The following PIGO variants were observed in gnomAD, a reference collection of about 807,000 sequenced individuals.
PIGO encodes the protein GPI ethanolamine phosphate transferase 3, catalytic subunit.
Under a neutral mutation model 86.9 loss-of-function variants are expected in PIGO, and 66 were observed. The observed-to-expected ratio is 0.76, with a 90% CI of 0.62 to 0.93. PIGO has a LOEUF of 0.93. Among genes scored for constraint, PIGO ranks in the 40% least tolerant of loss-of-function variants. The pLI, the probability that PIGO is intolerant of heterozygous loss-of-function variation, is 0.00. For synonymous variants in PIGO, 570 were observed against 556.4 expected (o/e 1.02, Z -0.34); for missense variants, 1,202 against 1,359.1 (o/e 0.88, Z 1.82).
Position 35,092,270 on chromosome 9 carries a change from C to T in PIGO, c.1617G>A (p.Leu539=). 4.3e-6 allele frequency: 7 copies of T among 1,614,196 alleles called. No individual in the cohort carries two copies. Among genetic ancestry groups the T allele is most frequent in the Non-Finnish European group, 5.9e-6 (7 of 1,180,028 alleles). Residue 539 remains leucine, a synonymous_variant, in exon 7 of 11, where the codon CTG becomes CTA. Coordinates refer to ENST00000378617, the MANE Select transcript of PIGO (RefSeq NM_032634.4). The part of the protein sequence containing the change: ...AWAGWGSKRP[L]ATLFPIPGPV... ...GCCCAGGGATGGGAAACAGGGTTGCCAGGGGCCTCTTGGACCCCCAGCCAG... is the reference window on the plus strand; with the variant it reads ...GCCCAGGGATGGGAAACAGGGTTGCTAGGGGCCTCTTGGACCCCCAGCCAG...
rs779260324 is a variant in PIGO, at chr9:35,092,554, G to A, written c.1333C>T (p.Arg445Cys). 18 of 1,614,072 alleles carry A rather than the reference G, an allele frequency of 1.1e-5. No individual in the cohort carries two copies. Among genetic ancestry groups the A allele is most frequent in the South Asian group, 3.3e-5 (3 of 91,086 alleles). Residue 445 changes from arginine to cysteine, a missense_variant, in exon 7 of 11, where the codon CGT becomes TGT. Transcript: ENST00000378617. ...CCCGCCATGCGGACCAGAGAGAAAC[G>A]AGCCCAAGACTCGATGCACATGGCC... ...ARAMCIESWA[R>C]FSLVRMAGGT...
In PIGO at chr9:35,092,515, A is replaced by G. The variant is rs1443340576; in HGVS notation, c.1372T>C (p.Leu458=). The G allele has an allele frequency of 1.2e-6, 2 of 1,614,192 alleles. No homozygotes were observed. Among genetic ancestry groups the G allele is most frequent in the African/African-American group, 1.3e-5 (1 of 75,078 alleles). Residue 458 remains leucine (L), a synonymous_variant, in exon 7 of 11, where the codon TTG becomes CTG. Transcript: ENST00000378617. Reference sequence around the variant, plus strand: ...AGGCAGATAAAGCAGGAAGCAGCCAAGAGAGCAGTACCCCCCGCCATGCGG... The same window carrying G: ...AGGCAGATAAAGCAGGAAGCAGCCAGGAGAGCAGTACCCCCCGCCATGCGG... ...LVRMAGGTAL[L]AASCFICLLA... is the part of the protein sequence containing the mutation.
At chr9:35,093,254 A>T in intron 5 of PIGO, 45 bp from the exon 6 acceptor site, 1 of 1,589,860 alleles carries the variant, frequency 6.3e-7, no homozygotes, top group Non-Finnish European at 8.6e-7. Context: ...ACAAAGCTGA[A>T]GTCAATGTTT....
intron 8 of PIGO, 75 bp downstream of exon 8, chr9:35,090,391 T>C: frequency 1.3e-6 from 2 of 1,551,184 alleles, no homozygotes; most frequent in Admixed American, 3.8e-5. Context: ...TATCTCTCCA[T>C]TCAAATCCAG....
intron 9 of PIGO, 39 bp downstream of exon 9, chr9:35,090,027 G>C: frequency 6.3e-7 from 1 of 1,588,830 alleles, no homozygotes; most frequent in Non-Finnish European, 8.6e-7. Context: ...CACACACAGA[G>C]AAAAAACACC....
At position 35,093,889 on chromosome 9, in the gene PIGO, C is replaced by A. The variant is rs759624385; in HGVS notation, c.779+12G>T. 6.2e-7 allele frequency: 1 copy of A among 1,613,674 alleles called. No individual in the cohort carries two copies. The highest frequency in any genetic ancestry group is 1.1e-5 in the South Asian group (1 of 91,018). ...CACAAACCCACTCCCCCAGCCAATA[C>A]CCCACACTCACTGGATCACCTGGTC... is the stretch of plus-strand genomic sequence containing the variant. On this transcript the variant is annotated intron_variant, in intron 4 of 10. Transcript: ENST00000378617.
intron 5 of PIGO, 60 bp downstream of exon 5, chr9:35,093,360 GC>G (rs770861017): frequency 1.4e-5 from 23 of 1,607,382 alleles, no homozygotes; most frequent in Admixed American, 5.0e-5. Flanking sequence ...TCATGAGGAT[GC>G]TGTAATGGTA....
Position 35,094,243 on chromosome 9 carries a change from C to T in PIGO, c.628G>A (p.Gly210Ser), listed in dbSNP as rs1227945970. 6.2e-7 allele frequency: 1 copy of T among 1,600,604 alleles called. No homozygotes were observed. Reference sequence around the variant, plus strand: ...GTGGGGTAGAGGTGTTCCAGGATGCCATTGTCCACTGTGTCTAGGTCTCTG... The same window carrying T: ...GTGGGGTAGAGGTGTTCCAGGATGCTATTGTCCACTGTGTCTAGGTCTCTG... The part of the protein sequence containing the change: ...NVRDLDTVDN[G>S]ILEHLYPTMD... Residue 210 changes from glycine to serine, a missense_variant, in exon 3 of 11, where the codon GGC (glycine) becomes AGC (serine). By Grantham distance (56) the Gly-to-Ser change is moderately conservative. Transcript: ENST00000378617.
In PIGO at chr9:35,093,154, C is replaced by T; in HGVS notation, c.995G>A (p.Gly332Asp). 6.2e-7 allele frequency: 1 copy of T among 1,614,184 alleles called. No homozygotes were observed. Among genetic ancestry groups the T allele is most frequent in the Non-Finnish European group, 8.5e-7 (1 of 1,180,000 alleles). Reference protein sequence around the residue: ...SLVPTLALLLGLPIPFGNIGE... With the variant: ...SLVPTLALLLDLPIPFGNIGE... ...GATATTCCCAAATGGGATGGGCAGG[C>T]CCAGCAGCAGGGCCAGCGTGGGCAC... Residue 332 changes from glycine to aspartate, a missense_variant, in exon 6 of 11, where the codon GGC becomes GAC. Coordinates refer to ENST00000378617, the MANE Select transcript of PIGO (RefSeq NM_032634.4).
intron 4 of PIGO, 102 bp downstream of exon 4, chr9:35,093,799 C>T: frequency 6.5e-7 from 1 of 1,544,120 alleles, no homozygotes; most frequent in Non-Finnish European, 8.7e-7. Context: ...AGCAGAAGGC[C>T]TAGAGAAGAC....
At chr9:35,089,973 C>T in intron 9 of PIGO, 93 bp downstream of exon 9, 1 of 1,509,532 alleles carries the variant, frequency 6.6e-7, no homozygotes, top group East Asian at 2.3e-5. Flanking sequence ...GAAACTCAGT[C>T]AAGGCTCTCT....
At chr9:35,090,045 T>C in intron 9 of PIGO, 21 bp downstream of exon 9, 2 of 1,599,948 alleles carry the variant, frequency 1.3e-6, no homozygotes, top group Non-Finnish European at 1.7e-6. Flanking sequence ...ACCAACTCCC[T>C]GATCTCTCTC....
At position 35,092,245 on chromosome 9, in the gene PIGO, G is replaced by A; in HGVS notation, c.1642C>T (p.Pro548Ser). The change falls in exon 7 of 11, where the codon CCC (proline) becomes TCC (serine). Residue 548 changes from proline (P) to serine (S), a missense_variant. By Grantham distance (74) the Pro-to-Ser change is moderately conservative. Coordinates refer to ENST00000378617, the MANE Select transcript of PIGO (RefSeq NM_032634.4). ...PLATLFPIPGPVLLLLLFRLA... is the reference protein window; with the variant it reads ...PLATLFPIPGSVLLLLLFRLA... The stretch of plus-strand genomic sequence containing the variant: ...CGAAACAGCAGGAGTAACAGGACGG[G>A]CCCAGGGATGGGAAACAGGGTTGCC... 1.2e-6 allele frequency: 2 copies of A among 1,614,212 alleles called. No individual in the cohort carries two copies. Among genetic ancestry groups the A allele is most frequent in the Non-Finnish European group, 1.7e-6 (2 of 1,180,046 alleles).
rs1312900211 is a variant in PIGO, at chr9:35,095,705, C to T, written c.-1-139G>A. ...ATAAACCATTTCACAGCCAACCCCT[C>T]GCAATATTACTCTCCTCCTATTTCC... On this transcript the variant is annotated intron_variant, in intron 1 of 10. Coordinates refer to ENST00000378617, the MANE Select transcript of PIGO (RefSeq NM_032634.4). The T allele has an allele frequency of 5.5e-6, 6 of 1,094,172 alleles. No individual in the cohort carries two copies. In the African/African-American group the frequency reaches 6.4e-5, roughly 12 times the overall value. The allele number at this position is 1,094,172 out of a possible 1,614,324, so 67.8% of individuals were successfully genotyped here.
Position 35,093,805 on chromosome 9 carries a change from A to G in PIGO, c.779+96T>C, listed in dbSNP as rs568186287. ...TCTAGCTTCAGCAGAAGGCCTAGAG[A>G]AGACAGAATTCAGCCAGGAAAGAAG... On this transcript the variant is annotated intron_variant, in intron 4 of 10. Transcript: ENST00000378617. 3.2e-6 allele frequency: 5 copies of G among 1,550,394 alleles called. No homozygotes were observed. The South Asian group carries it at 6.2e-5, about 19-fold the overall frequency.
In PIGO at chr9:35,094,290, A is replaced by C. The variant is rs61755365; in HGVS notation, c.581T>G (p.Phe194Cys). The C allele has an allele frequency of 2.5e-5, 41 of 1,608,154 alleles. No homozygotes were observed. Among genetic ancestry groups the C allele is most frequent in the African/African-American group, 1.2e-4 (9 of 74,336 alleles). Reference sequence around the variant, plus strand: ...TCTGACATTGAAGGATGGGAAGAAGAAAGCTTTGGAGAAAGCACCAGGGAA... The same window carrying C: ...TCTGACATTGAAGGATGGGAAGAAGCAAGCTTTGGAGAAAGCACCAGGGAA... The part of the protein sequence containing the change: ...DLFPGAFSKA[F>C]FFPSFNVRDL... Residue 194 changes from phenylalanine (F) to cysteine (C), a missense_variant, in exon 3 of 11, where the codon TTC becomes TGC. Physicochemically the swap from Phe to Cys is radical, Grantham distance 205. Transcript: ENST00000378617.
Position 35,092,518 on chromosome 9 carries a change from G to C in PIGO, c.1369C>G (p.Leu457Val), listed in dbSNP as rs769460289. Residue 457 changes from leucine (L) to valine (V), a missense_variant, in exon 7 of 11, where the codon CTC (leucine) becomes GTC (valine). By Grantham distance (32) the Leu-to-Val change is conservative. Transcript: ENST00000378617. ...CAGATAAAGCAGGAAGCAGCCAAGA[G>C]AGCAGTACCCCCCGCCATGCGGACC... ...SLVRMAGGTA[L>V]LAASCFICLL... The C allele has an allele frequency of 1.7e-5, 27 of 1,614,060 alleles. No homozygotes were observed. In the Admixed American group the frequency reaches 2.8e-4, roughly 17 times the overall value.
chr9:35,090,596 G>A lies in PIGO; in HGVS notation c.2724C>T (p.His908=). ...MATQTFYSTG[H]QPVFPAIHWH... ...AATGGATGGCTGGAAAGACAGGCTG[G>A]TGGCCTGTGGAGTAGAAGGTCTGTG... is the stretch of plus-strand genomic sequence containing the variant. Residue 908 remains histidine, a synonymous_variant, in exon 8 of 11, where the codon CAC becomes CAT. Coordinates refer to ENST00000378617, the MANE Select transcript of PIGO (RefSeq NM_032634.4). The A allele has an allele frequency of 1.2e-6, 2 of 1,614,190 alleles. No homozygotes were observed. Among genetic ancestry groups the A allele is most frequent in the Non-Finnish European group, 1.7e-6 (2 of 1,180,038 alleles).
At position 35,093,716 on chromosome 9, in the gene PIGO, A is replaced by G. The variant is rs560814315; in HGVS notation, c.780-136T>C. The G allele has an allele frequency of 2.1e-6, 3 of 1,414,250 alleles. No homozygotes were observed. The South Asian group carries it at 4.3e-5, about 20-fold the overall frequency. The allele number at this position is 1,414,250 out of a possible 1,614,324, so 87.6% of individuals were successfully genotyped here. On this transcript the variant is annotated intron_variant, in intron 4 of 10. Coordinates refer to ENST00000378617, the MANE Select transcript of PIGO (RefSeq NM_032634.4). ...AGGCCTAGACCTTTGGCAAAGAGACATGTCTTCGGCCATGATCCTGATGCC... is the reference window on the plus strand; with the variant it reads ...AGGCCTAGACCTTTGGCAAAGAGACGTGTCTTCGGCCATGATCCTGATGCC...
Sources: gnomAD v4.1 joint callset for allele counts on GRCh38, gnomAD v4.1.1 for gene constraint, MANE v1.5 for transcripts, NCBI Gene and HGNC (gene_info 2026-07-23, HGNC 2026-07-21) for gene names.